The following RAB27A variants were observed in gnomAD, a reference collection of about 807,000 sequenced individuals.
RAB27A encodes the protein ras-related protein Rab-27A.
In RAB27A, 17 loss-of-function variants were observed where a neutral mutation model predicts 20.8. That is an observed-to-expected ratio of 0.82 (90% CI 0.56 to 1.23). The LOEUF is 1.23. Among genes scored for constraint, RAB27A ranks in the 50% most tolerant of loss-of-function variants. RAB27A has a pLI of 0.00. For missense variants in RAB27A, 277 were observed against 266.7 expected, an observed-to-expected ratio of 1.04 and a Z score of -0.27; for synonymous variants, 85 against 92.8, an observed-to-expected ratio of 0.92 and a Z score of 0.48.
At chr15:55,311,773 T>A (rs761783056) in intron 2 of RAB27A, among the ~76,000 whole-genome samples, 11 of 152,176 alleles carry the variant, frequency 7.2e-5, no homozygotes, top group Non-Finnish European at 1.6e-4. Context: ...TCTTAGCATG[T>A]GAGAGTCCAG....
At chr15:55,299,268 T>C (rs899611322) in intron 2 of RAB27A, among the ~76,000 whole-genome samples, 3 of 152,206 alleles carry the variant, frequency 2.0e-5, no homozygotes, top group Non-Finnish European at 2.9e-5. Context: ...CTGCCATGGC[T>C]TCAGCCGGTC....
chr15:55,273,800 A>C (rs894676891), intron 1 of RAB27A, among the ~76,000 whole-genome samples: 1 of 152,226 alleles, frequency 6.6e-6, no homozygotes, highest in African/African-American at 2.4e-5. Context: ...AATAATAGTA[A>C]GGGATTTGAA....
At chr15:55,282,383 G>A (rs1595746563) in intron 1 of RAB27A, among the ~76,000 whole-genome samples, 1 of 152,140 alleles carries the variant, frequency 6.6e-6, no homozygotes, top group Admixed American at 6.5e-5. Flanking sequence ...AATTTCCAAG[G>A]TCCCTACTAG....
At chr15:55,250,911 C>G (rs964042724) in intron 2 of RAB27A, among the ~76,000 whole-genome samples, 9 of 152,162 alleles carry the variant, frequency 5.9e-5, no homozygotes, top group African/African-American at 2.2e-4. Context: ...GGCACCCCAA[C>G]ATATAAAACA....
chr15:55,312,615 T>C (rs1005125773), intron 2 of RAB27A, among the ~76,000 whole-genome samples: 2 of 152,124 alleles, frequency 1.3e-5, no homozygotes, highest in Non-Finnish European at 2.9e-5. Context: ...GGTAACTCAG[T>C]GTGGTTTTGT....
At chr15:55,229,827 A>G (rs940462275) in intron 4 of RAB27A, among the ~76,000 whole-genome samples, 1 of 152,216 alleles carries the variant, frequency 6.6e-6, no homozygotes, top group African/African-American at 2.4e-5. Flanking sequence ...CCACAATTTC[A>G]TAATTGTTGA....
chr15:55,235,991 T>C (rs1387150341), intron 2 of RAB27A, among the ~76,000 whole-genome samples: 1 of 151,982 alleles, frequency 6.6e-6, no homozygotes, highest in Admixed American at 6.6e-5. Flanking sequence ...AATGATACAA[T>C]GGACTTTGGG....
intron 5 of RAB27A, among the ~76,000 whole-genome samples, chr15:55,225,428 C>G (rs1009062160): frequency 2.0e-5 from 3 of 152,180 alleles, no homozygotes; most frequent in African/African-American, 7.2e-5. Context: ...AGTGATTCTG[C>G]AGGTAAAGAC....
At chr15:55,207,497 G>A (rs1017946083) in intron 6 of RAB27A, among the ~76,000 whole-genome samples, 4 of 152,162 alleles carry the variant, frequency 2.6e-5, no homozygotes, top group African/African-American at 4.8e-5. Context: ...TTCTGCAGGT[G>A]CCATCCTATG....
chr15:55,283,575 G>A (rs1314278340), intron 1 of RAB27A, among the ~76,000 whole-genome samples: 1 of 152,112 alleles, frequency 6.6e-6, no homozygotes, highest in Non-Finnish European at 1.5e-5. Context: ...TTGACTGTGA[G>A]GACAATGACT....
At position 55,247,081 on chromosome 15, in the gene RAB27A, C is replaced by T. The variant is rs148324241; in HGVS notation, c.-22-12125G>A. On this transcript the variant is annotated intron_variant, in intron 2 of 6. Coordinates refer to ENST00000336787, the MANE Select transcript of RAB27A (RefSeq NM_183235.3). ...TGATCCTGGGGCTTTTTCCAGTCTA[C>T]CTTCAGGATGACACTGAGACTTCAT... is the stretch of plus-strand genomic sequence containing the variant. 7.9e-5 allele frequency among the ~76,000 whole-genome samples: 12 copies of T among 152,188 alleles called. No individual in the cohort carries two copies. The East Asian group carries it at 2.1e-3, about 27-fold the overall frequency.
upstream of RAB27A, chr15:55,290,137 G>A (rs1898272480): frequency 6.6e-6 from 1 of 152,316 alleles, no homozygotes; most frequent in African/African-American, 2.4e-5. Context: ...GCGAGGTGTC[G>A]TTTGGGGACT....
chr15:55,268,379 T>C (rs542077828), intron 2 of RAB27A, among the ~76,000 whole-genome samples: 148 of 152,348 alleles, frequency 9.7e-4, no homozygotes, highest in Non-Finnish European at 1.5e-3. Context: ...CAAATGACTT[T>C]AGCACTTCTG....
intron 6 of RAB27A, among the ~76,000 whole-genome samples, chr15:55,215,974 C>T (rs1895283469): frequency 4.4e-5 from 6 of 136,970 alleles, no homozygotes; most frequent in Admixed American, 1.5e-4. Context: ...AAAAAGAAGT[C>T]ATAACCTCTG....
intron 1 of RAB27A, among the ~76,000 whole-genome samples, chr15:55,272,688 C>T: frequency 6.6e-6 from 1 of 152,168 alleles, no homozygotes; most frequent in East Asian, 1.9e-4. Flanking sequence ...CAAAATCTCA[C>T]TAATATAGCA....
intron 1 of RAB27A, chr15:55,317,143 A>G (rs2055050925): frequency 6.6e-6 from 1 of 152,246 alleles, no homozygotes; most frequent in Admixed American, 6.5e-5. Context: ...GTAAAAAGAC[A>G]TAAAATGACA....
chr15:55,284,381 T>C (rs1281157047), intron 1 of RAB27A, among the ~76,000 whole-genome samples: 2 of 152,096 alleles, frequency 1.3e-5, no homozygotes, highest in Non-Finnish European at 2.9e-5. Flanking sequence ...CAACACTTAG[T>C]TGTTGTGGAA....
At chr15:55,277,856 T>C (rs1234572599) in intron 1 of RAB27A, among the ~76,000 whole-genome samples, 3 of 152,210 alleles carry the variant, frequency 2.0e-5, no homozygotes, top group Non-Finnish European at 2.9e-5. Context: ...GGGACTGAGT[T>C]ATAGCACTGA....
intron 5 of RAB27A, among the ~76,000 whole-genome samples, chr15:55,226,752 C>T (rs999621098): frequency 4.6e-5 from 7 of 151,380 alleles, no homozygotes; most frequent in Non-Finnish European, 8.8e-5. Flanking sequence ...CCTGTAATCC[C>T]AGCTACTCGG....
Sources: gnomAD v4.1 joint callset for allele counts (sites outside exome capture counted in the v4.1 genomes callset) on GRCh38, gnomAD v4.1.1 for gene constraint, MANE v1.5 for transcripts, NCBI Gene and HGNC (gene_info 2026-07-23, HGNC 2026-07-21) for gene names.